Variants in TTLL7 observed in about 807,000 individuals in gnomAD.
TTLL7 encodes tubulin polyglutamylase TTLL7.
A neutral mutation model predicts 120.2 loss-of-function variants in TTLL7; 53 were observed. That is an observed-to-expected ratio of 0.44 (90% confidence interval 0.35 to 0.55). The LOEUF is 0.55. Among genes scored for constraint, TTLL7 ranks in the 20% least tolerant of loss-of-function variants. The pLI, the probability that TTLL7 is intolerant of heterozygous loss-of-function variation, is 0.00. For synonymous variants in TTLL7, 353 were observed against 351.7 expected, an observed-to-expected ratio of 1.00 and a Z score of -0.04; for missense variants, 803 against 1,054.7, an observed-to-expected ratio of 0.76 and a Z score of 3.31.
chr1:83,949,848 C>A lies in TTLL7; in HGVS notation c.279+17G>T, dbSNP rs761715268. 2 of 1,612,826 alleles carry A rather than the reference C, an allele frequency of 1.2e-6. No individual in the cohort carries two copies. The highest frequency in any genetic ancestry group is 1.1e-5 in the South Asian group (1 of 90,720). The stretch of plus-strand genomic sequence containing the variant: ...AACTTTCCTCATACCACTAACTGGT[C>A]ATGATTAATTTCCTACCTGATAATT... On this transcript the variant is annotated intron_variant, in intron 4 of 20. Transcript: ENST00000260505.
chr1:83,968,822 C>T (rs1650717832), intron 1 of TTLL7, among the ~76,000 whole-genome samples: 1 of 151,954 alleles, frequency 6.6e-6, no homozygotes, highest in African/African-American at 2.4e-5. Context: ...CAATAATAAG[C>T]ATTAAAGTTG....
chr1:83,912,994 C>A (rs1228498635), intron 14 of TTLL7: 1 of 152,140 alleles, frequency 6.6e-6, no homozygotes, highest in Non-Finnish European at 1.5e-5. Flanking sequence ...TAGCAAACAG[C>A]TTTAAGTGTT....
At position 83,866,420 on chromosome 1, in the gene TTLL7, TAA is replaced by T. The variant is rs1652919084; in HGVS notation, c.*3540_*3541del. ...TTCCATACTCATATATTTTACAAAT[TAA>T]AAAGACAGTTAAAATGAAATCTTTT... On this transcript the variant is annotated 3_prime_UTR_variant, in exon 21 of 21. Transcript: ENST00000260505. 6.6e-6 allele frequency: 1 copy of T among 151,882 alleles called. No individual in the cohort carries two copies. The highest frequency in any genetic ancestry group is 1.5e-5 in the Non-Finnish European group (1 of 67,790). 9.4% of individuals were successfully genotyped at this position (151,882 alleles called of 1,614,324 possible).
At chr1:83,873,865 T>C (rs1258538618) in intron 20 of TTLL7, among the ~76,000 whole-genome samples, 1 of 152,158 alleles carries the variant, frequency 6.6e-6, no homozygotes, top group Non-Finnish European at 1.5e-5. Context: ...CCAGGACCCC[T>C]GATTTCCCCA....
chr1:83,870,164 C>T (rs1292959230), intron 20 of TTLL7, 82 bp from the exon 21 acceptor site: 13 of 1,292,050 alleles, frequency 1.0e-5, no homozygotes, highest in South Asian at 3.5e-5. Flanking sequence ...TAGCAATTTA[C>T]GTAGTCTATA....
intron 20 of TTLL7, among the ~76,000 whole-genome samples, chr1:83,881,852 T>C (rs377120738): frequency 2.7e-5 from 4 of 146,608 alleles, no homozygotes; most frequent in South Asian, 2.2e-4. Context: ...TGTCCAACAA[T>C]GATAGACTGG....
intron 15 of TTLL7, among the ~76,000 whole-genome samples, chr1:83,908,040 T>A (rs1225080995): frequency 6.6e-6 from 1 of 152,116 alleles, no homozygotes; most frequent in Non-Finnish European, 1.5e-5. Context: ...GGAAACCCTC[T>A]GAAGTAGGGA....
chr1:83,998,384 C>A (rs955425647), intron 1 of TTLL7, among the ~76,000 whole-genome samples: 1 of 152,158 alleles, frequency 6.6e-6, no homozygotes, highest in Non-Finnish European at 1.5e-5. Context: ...TCTTTTACAT[C>A]AGTCGAGGGA....
intron 13 of TTLL7, among the ~76,000 whole-genome samples, chr1:83,919,497 T>C (rs1228289987): frequency 6.6e-6 from 1 of 152,194 alleles, no homozygotes; most frequent in Non-Finnish European, 1.5e-5. Flanking sequence ...CACAATTCTC[T>C]ACTCCATAAT....
intron 1 of TTLL7, among the ~76,000 whole-genome samples, chr1:83,973,426 A>G (rs1004059474): frequency 5.3e-5 from 8 of 151,988 alleles, no homozygotes; most frequent in Non-Finnish European, 1.0e-4. Context: ...CTATTGATCT[A>G]TTTGTCTATT....
At chr1:83,964,924 C>T (rs1360767927) in intron 1 of TTLL7, among the ~76,000 whole-genome samples, 1 of 151,894 alleles carries the variant, frequency 6.6e-6, no homozygotes, top group East Asian at 1.9e-4. Flanking sequence ...TTAATCCTAC[C>T]TAGTATTCAA....
chr1:83,992,791 CTTT>C (rs367737528), intron 1 of TTLL7, among the ~76,000 whole-genome samples: 15 of 101,538 alleles, frequency 1.5e-4, no homozygotes, highest in East Asian at 9.0e-4. Flanking sequence ...TATTCAAGTT[CTTT>C]TTTTTTTTTT....
At chr1:83,879,846 C>G (rs1403232378) in intron 20 of TTLL7, 2 of 151,768 alleles carry the variant, frequency 1.3e-5, no homozygotes, top group Non-Finnish European at 2.9e-5. Context: ...CTCTTTTGAC[C>G]ACCAGCAGAA....
At chr1:83,923,592 A>G (rs1361792802) in intron 10 of TTLL7, among the ~76,000 whole-genome samples, 1 of 152,182 alleles carries the variant, frequency 6.6e-6, no homozygotes, top group Non-Finnish European at 1.5e-5. Context: ...CTTCAGACAC[A>G]TTAAGAAACA....
chr1:83,952,341 G>A lies in TTLL7; in HGVS notation c.-130C>T. ...AAAGTTCTTATCATATTATCTTGGT[G>A]GAATCCTCAGATTTCAGGATACCAA... On this transcript the variant is annotated 5_prime_UTR_variant, in exon 2 of 21. Coordinates refer to ENST00000260505, the MANE Select transcript of TTLL7 (RefSeq NM_024686.6). The A allele has an allele frequency of 1.1e-6, 1 of 882,480 alleles. No individual in the cohort carries two copies. The highest frequency in any genetic ancestry group is 2.3e-5 in the South Asian group (1 of 42,694). The allele number at this position is 882,480 out of a possible 1,614,324, so 54.7% of individuals were successfully genotyped here.
intron 6 of TTLL7, among the ~76,000 whole-genome samples, 174 bp from the exon 7 acceptor site, chr1:83,942,853 A>C (rs1648105572): frequency 6.6e-6 from 1 of 152,248 alleles, no homozygotes; most frequent in African/African-American, 2.4e-5. Context: ...GTAACCCCAG[A>C]AACTAAGCAA....
At chr1:83,978,176 G>A (rs1376195466) in intron 1 of TTLL7, among the ~76,000 whole-genome samples, 1 of 152,116 alleles carries the variant, frequency 6.6e-6, no homozygotes, top group Non-Finnish European at 1.5e-5. Flanking sequence ...ATCCATTATG[G>A]AATCTAAGGC....
At chr1:83,919,460 T>C (rs1211345132) in intron 13 of TTLL7, among the ~76,000 whole-genome samples, 1 of 152,202 alleles carries the variant, frequency 6.6e-6, no homozygotes, top group Admixed American at 6.5e-5. Flanking sequence ...TACGTTATTA[T>C]AATATATTGA....
At position 83,885,693 on chromosome 1, in the gene TTLL7, GC is replaced by G. The variant is rs1174859745; in HGVS notation, c.2370-2558del. Among the ~76,000 whole-genome samples, 3 of 151,992 alleles carry G rather than the reference GC, an allele frequency of 2.0e-5. 1 individual carries two copies. The highest frequency in any genetic ancestry group is 7.2e-5 in the African/African-American group (3 of 41,410). ...TTCATCTGGCCCTAGGGCAGTGGGT[GC>G]CCCCTCTACACAAAGGAAAACTGAG... On this transcript the variant is annotated intron_variant, in intron 19 of 20. Coordinates refer to ENST00000260505, the MANE Select transcript of TTLL7 (RefSeq NM_024686.6).
Sources: gnomAD v4.1 joint callset for allele counts (sites outside exome capture counted in the v4.1 genomes callset) on GRCh38, gnomAD v4.1.1 for gene constraint, MANE v1.5 for transcripts, NCBI Gene and HGNC (gene_info 2026-07-23, HGNC 2026-07-21) for gene names.